The following DPP10 variants were observed in gnomAD, a reference collection of about 807,000 sequenced individuals.
DPP10 encodes dipeptidyl peptidase like 10, also known as inactive dipeptidyl peptidase 10.
Under a neutral mutation model 120.9 loss-of-function variants are expected in DPP10, and 33 were observed. The ratio of observed to expected loss-of-function variants is 0.27; its 90% CI spans 0.21 to 0.37. The LOEUF (loss-of-function observed/expected upper bound fraction) is 0.37. Ranked by LOEUF, DPP10 falls within the 10% of genes least tolerant of loss-of-function variation. DPP10 has a pLI of 1.00. For missense variants in DPP10, 816 were observed against 942.8 expected (o/e 0.87, Z 1.76); for synonymous variants, 337 against 326.1 (o/e 1.03, Z -0.36).
chr2:114,788,858 C>T (rs73949020), intron 1 of DPP10, among the ~76,000 whole-genome samples: 11 of 152,192 alleles, frequency 7.2e-5, no homozygotes, highest in Admixed American at 2.0e-4. Context: ...TCTTTTTTAA[C>T]GGCATCCTCT....
At chr2:115,334,117 A>T (rs535209084) in intron 2 of DPP10, among the ~76,000 whole-genome samples, 8 of 151,628 alleles carry the variant, frequency 5.3e-5, no homozygotes, top group Admixed American at 4.6e-4. Flanking sequence ...AGGCAGGCTA[A>T]CATTCAAATT....
At chr2:115,486,328 A>C (rs150245952) in intron 3 of DPP10, among the ~76,000 whole-genome samples, 1 of 152,278 alleles carries the variant, frequency 6.6e-6, no homozygotes, top group Non-Finnish European at 1.5e-5. Context: ...TTGCATCTTG[A>C]AAAGAAAGAC....
At chr2:114,814,883 A>T (rs959019908) in intron 1 of DPP10, among the ~76,000 whole-genome samples, 1 of 152,224 alleles carries the variant, frequency 6.6e-6, no homozygotes, top group African/African-American at 2.4e-5. Context: ...AGATTAAGGT[A>T]GAACCAACCG....
intron 1 of DPP10, among the ~76,000 whole-genome samples, chr2:114,556,923 T>C (rs576616833): frequency 6.6e-6 from 1 of 151,426 alleles, no homozygotes; most frequent in South Asian, 2.1e-4. Context: ...AAGAGTGTGG[T>C]GGAGGACCAA....
intron 1 of DPP10, among the ~76,000 whole-genome samples, chr2:115,279,652 C>CTTTTTTTT (rs1244784112): frequency 2.8e-5 from 1 of 35,250 alleles, no homozygotes; most frequent in Admixed American, 3.3e-4. Flanking sequence ...TTTTTTTCTT[C>CTTTTTTTT]TTCTTTTTTT....
chr2:115,346,534 C>T (rs2063720333), intron 3 of DPP10, among the ~76,000 whole-genome samples: 1 of 152,106 alleles, frequency 6.6e-6, no homozygotes, highest in South Asian at 2.1e-4. Flanking sequence ...ATGGGTGCCC[C>T]TGTTCATGGT....
intron 4 of DPP10, among the ~76,000 whole-genome samples, chr2:115,502,815 T>C (rs1575035884): frequency 6.6e-6 from 1 of 152,156 alleles, no homozygotes; most frequent in East Asian, 1.9e-4. Flanking sequence ...TGCCTCAGCC[T>C]CCTGAGTAGC....
chr2:115,367,128 C>T (rs1383319143), intron 3 of DPP10, among the ~76,000 whole-genome samples: 1 of 152,036 alleles, frequency 6.6e-6, no homozygotes, highest in Non-Finnish European at 1.5e-5. Context: ...AAGCAGCAGA[C>T]AGACCGCCCA....
intron 1 of DPP10, among the ~76,000 whole-genome samples, chr2:114,563,408 A>G (rs1338301672): frequency 6.6e-6 from 1 of 152,106 alleles, no homozygotes; most frequent in Non-Finnish European, 1.5e-5. Flanking sequence ...TCAGTGAAAT[A>G]TTAGCTGTAT....
At chr2:115,227,455 C>T (rs983518788) in intron 1 of DPP10, among the ~76,000 whole-genome samples, 7 of 152,116 alleles carry the variant, frequency 4.6e-5, no homozygotes, top group African/African-American at 1.7e-4. Context: ...AATTTGCATA[C>T]AGTGAAGTTC....
intron 1 of DPP10, among the ~76,000 whole-genome samples, chr2:114,692,563 G>C (rs1699827960): frequency 1.3e-5 from 2 of 152,026 alleles, no homozygotes; most frequent in South Asian, 4.1e-4. Context: ...CTGTTGTTTG[G>C]GGGTGGAGAG....
At chr2:115,640,702 G>A (rs1193167184) in intron 5 of DPP10, among the ~76,000 whole-genome samples, 4 of 152,030 alleles carry the variant, frequency 2.6e-5, no homozygotes, top group Admixed American at 2.0e-4. Flanking sequence ...CCTAGTCCTT[G>A]CATTCTAATT....
intron 3 of DPP10, among the ~76,000 whole-genome samples, chr2:115,486,614 G>A (rs940180832): frequency 6.6e-6 from 1 of 152,106 alleles, no homozygotes; most frequent in African/African-American, 2.4e-5. Context: ...GAGTGTATGA[G>A]TATGAAGTCT....
chr2:114,943,014 A>G (rs1426130433), intron 1 of DPP10, among the ~76,000 whole-genome samples: 1 of 152,078 alleles, frequency 6.6e-6, no homozygotes, highest in Non-Finnish European at 1.5e-5. Context: ...CCCATCACCT[A>G]CATTGGATAT....
Position 114,656,146 on chromosome 2 carries a change from T to C in DPP10, c.60+213308T>C, listed in dbSNP as rs747797896. Among the ~76,000 whole-genome samples, 6 of 152,176 alleles carry C rather than the reference T, an allele frequency of 3.9e-5. No homozygotes were observed. The East Asian group carries it at 5.8e-4, about 15-fold the overall frequency. On this transcript the variant is annotated intron_variant, in intron 1 of 25. Transcript: ENST00000410059. Reference sequence around the variant, plus strand: ...AGTAATTTTTAGCAATTATTCTTGGTGTTTGAGTCCATTGAGCTAGTCAAA... The same window carrying C: ...AGTAATTTTTAGCAATTATTCTTGGCGTTTGAGTCCATTGAGCTAGTCAAA...
At chr2:115,470,197 A>G (rs1260619542) in intron 3 of DPP10, among the ~76,000 whole-genome samples, 2 of 152,142 alleles carry the variant, frequency 1.3e-5, no homozygotes, top group Non-Finnish European at 2.9e-5. Flanking sequence ...GCAAAAAGAG[A>G]TTTCCCTGTT....
intron 1 of DPP10, among the ~76,000 whole-genome samples, chr2:115,167,604 C>T (rs1454824295): frequency 1.2e-4 from 6 of 48,558 alleles, no homozygotes; most frequent in Admixed American, 2.1e-4. Flanking sequence ...GAGACCGTCT[C>T]AAAAAAAAAA....
At chr2:114,817,024 A>G (rs1414052032) in intron 1 of DPP10, among the ~76,000 whole-genome samples, 1 of 152,250 alleles carries the variant, frequency 6.6e-6, no homozygotes, top group Non-Finnish European at 1.5e-5. Flanking sequence ...AGTAAAAATC[A>G]AAGGTATAAA....
chr2:114,581,431 C>A (rs1208834783), intron 1 of DPP10, among the ~76,000 whole-genome samples: 2 of 152,062 alleles, frequency 1.3e-5, no homozygotes, highest in Non-Finnish European at 2.9e-5. Context: ...GATCAGCCCA[C>A]CTCGGCCTCC....
Sources: allele counts gnomAD v4.1 joint callset (sites outside exome capture counted in the v4.1 genomes callset), GRCh38; gene constraint gnomAD v4.1.1; transcripts MANE v1.5; gene names NCBI Gene and HGNC (gene_info 2026-07-23, HGNC 2026-07-21).